ETV1: variants seen among roughly 807,000 people sequenced by gnomAD.
ETV1 encodes the protein ETS variant transcription factor 1.
Under a neutral mutation model 62.3 loss-of-function variants are expected in ETV1, and 27 were observed. The observed-to-expected ratio is 0.43, with a 90% confidence interval of 0.32 to 0.60. ETV1 has a LOEUF of 0.60. Ranked by LOEUF, ETV1 falls within the 20% of genes least tolerant of loss-of-function variation. ETV1 has a pLI of 0.06. For synonymous variants in ETV1, 222 were observed against 199.6 expected (o/e 1.11, Z -0.94); for missense variants, 605 against 605.8 (o/e 1.00, Z 0.01).
chr7:13,923,457 C>A (rs1211359180), intron 9 of ETV1, among the ~76,000 whole-genome samples: 3 of 152,164 alleles, frequency 2.0e-5, no homozygotes, highest in Non-Finnish European at 4.4e-5. Flanking sequence ...GATTAAAGTG[C>A]CAGCTTGGGC....
chr7:13,977,162 C>A (rs1296609597), intron 6 of ETV1, among the ~76,000 whole-genome samples: 1 of 152,132 alleles, frequency 6.6e-6, no homozygotes, highest in Non-Finnish European at 1.5e-5. Flanking sequence ...ATATGAAGAA[C>A]AAGACCATCT....
intron 13 of ETV1, among the ~76,000 whole-genome samples, chr7:13,898,313 A>G (rs1040706858): frequency 2.6e-5 from 4 of 152,228 alleles, no homozygotes; most frequent in African/African-American, 7.2e-5. Context: ...TGTGCTTTCA[A>G]TGGCTGGATA....
chr7:13,965,948 A>C (rs750162424), intron 6 of ETV1, among the ~76,000 whole-genome samples: 1 of 152,242 alleles, frequency 6.6e-6, no homozygotes, highest in Non-Finnish European at 1.5e-5. Context: ...TATTCAATGA[A>C]TACCTCAAAC....
rs754755430 is a variant in ETV1 at position 13,906,505 on chromosome 7, C to T, written c.1035G>A (p.Leu345=). 1.2e-6 allele frequency: 2 copies of T among 1,611,286 alleles called. No individual in the cohort carries two copies. The highest frequency in any genetic ancestry group is 8.5e-7 in the Non-Finnish European group (1 of 1,178,704). Residue 345 remains leucine (L), a synonymous_variant, in exon 12 of 14, where the codon CTG becomes CTA. Coordinates refer to ENST00000430479, the MANE Select transcript of ETV1 (RefSeq NM_004956.5). ...LQLWQFLVAL[L]DDPSNSHFIA... is the part of the protein sequence containing the mutation. Reference sequence around the variant, plus strand: ...TAAAATGAGAATTTGAAGGGTCATCCAGAAGAGCTACCAAAAACTGCCAGA... The same window carrying T: ...TAAAATGAGAATTTGAAGGGTCATCTAGAAGAGCTACCAAAAACTGCCAGA...
chr7:13,934,077 A>G (rs1339987504), intron 8 of ETV1, among the ~76,000 whole-genome samples: 1 of 152,202 alleles, frequency 6.6e-6, no homozygotes. Context: ...TGGTTTGTTC[A>G]TATTTTTTTG....
rs1426228965 is a variant in ETV1 at position 13,895,984 on chromosome 7, T to C, written c.1316A>G (p.Glu439Gly). 1 of 1,613,646 alleles carries C rather than the reference T, an allele frequency of 6.2e-7. No individual in the cohort carries two copies. The highest frequency in any genetic ancestry group is 1.3e-5 in the African/African-American group (1 of 74,906). Residue 439 changes from glutamate to glycine, a missense_variant, in exon 14 of 14, where the codon GAA becomes GGA. Glu to Gly is a moderately conservative substitution (Grantham distance 98, BLOSUM62 -2). Around this residue, in one of 3 missense-constraint regions of ETV1, gnomAD observed 79 missense variants for 71.6 expected, o/e 1.10. Transcript: ENST00000430479. ...TGTGTCCTCCTCGTTGATGTGACGT[T>C]CCATGTCTGTCTTCAGCAGTGGACG... ...NQRPLLKTDM[E>G]RHINEEDTVP...
At chr7:13,899,122 G>C (rs1056622784) in intron 13 of ETV1, among the ~76,000 whole-genome samples, 1 of 152,174 alleles carries the variant, frequency 6.6e-6, no homozygotes, top group Non-Finnish European at 1.5e-5. Context: ...TTACTGCTGT[G>C]CAATACTGCC....
At chr7:13,929,204 G>C (rs193172153) in intron 9 of ETV1, among the ~76,000 whole-genome samples, 3 of 152,130 alleles carry the variant, frequency 2.0e-5, no homozygotes, top group East Asian at 1.9e-4. Flanking sequence ...TGTATTGCAG[G>C]GTTCTTAATT....
chr7:13,960,581 T>TAA (rs1435693800), intron 6 of ETV1, among the ~76,000 whole-genome samples: 5 of 152,082 alleles, frequency 3.3e-5, no homozygotes, highest in Non-Finnish European at 7.4e-5. Flanking sequence ...CTCCAATCTA[T>TAA]AAATCTATAA....
At chr7:13,927,185 A>G (rs1471997650) in intron 9 of ETV1, among the ~76,000 whole-genome samples, 1 of 152,210 alleles carries the variant, frequency 6.6e-6, no homozygotes. Context: ...GCAGTGGCTC[A>G]TGCCTGTAAT....
chr7:13,950,537 G>A (rs1183927770), intron 6 of ETV1, among the ~76,000 whole-genome samples: 2 of 152,144 alleles, frequency 1.3e-5, no homozygotes, highest in African/African-American at 4.8e-5. Flanking sequence ...TAGACCTGAG[G>A]ACAGACTGGT....
Position 13,895,357 on chromosome 7 carries a change from A to T in ETV1, c.*509T>A, listed in dbSNP as rs1415437535. The T allele has an allele frequency of 8.5e-6, 2 of 234,438 alleles. No individual in the cohort carries two copies. Among genetic ancestry groups the T allele is most frequent in the Non-Finnish European group, 1.7e-5 (2 of 118,674 alleles). 14.5% of individuals were successfully genotyped at this position (234,438 alleles called of 1,614,324 possible). ...AGTGGTGCAAAAACAGTCATTTCTA[A>T]CAATTAAACTGCCATTTACAGTAGA... On this transcript the variant is annotated 3_prime_UTR_variant, in exon 14 of 14. Coordinates refer to ENST00000430479, the MANE Select transcript of ETV1 (RefSeq NM_004956.5).
intron 13 of ETV1, among the ~76,000 whole-genome samples, chr7:13,898,538 T>C (rs1782075522): frequency 6.6e-6 from 1 of 152,176 alleles, no homozygotes; most frequent in South Asian, 2.1e-4. Flanking sequence ...ACATACACTG[T>C]TCCATTGTTT....
At chr7:13,941,466 A>G (rs1787495457) in intron 6 of ETV1, among the ~76,000 whole-genome samples, 1 of 152,228 alleles carries the variant, frequency 6.6e-6, no homozygotes, top group African/African-American at 2.4e-5. Context: ...GTAAAAGCCA[A>G]TTGAAGGGCA....
intron 6 of ETV1, among the ~76,000 whole-genome samples, chr7:13,960,105 A>G (rs1181153680): frequency 1.3e-5 from 2 of 152,044 alleles, no homozygotes; most frequent in Non-Finnish European, 2.9e-5. Context: ...CTAGTGGAGG[A>G]CAATGGAAAG....
intron 13 of ETV1, among the ~76,000 whole-genome samples, chr7:13,899,219 T>C (rs1015376592): frequency 1.3e-5 from 2 of 152,096 alleles, no homozygotes; most frequent in African/African-American, 4.8e-5. Flanking sequence ...AGGAATGGAA[T>C]GTATTTGAAG....
intron 11 of ETV1, 84 bp from the exon 12 acceptor site, chr7:13,906,683 T>C (rs1782999992): frequency 1.9e-6 from 2 of 1,036,908 alleles, no homozygotes; most frequent in South Asian, 2.0e-5. Context: ...ATCACTAATA[T>C]GGTTAAACCA....
chr7:13,923,711 T>C (rs968145481), intron 9 of ETV1, among the ~76,000 whole-genome samples: 1 of 150,908 alleles, frequency 6.6e-6, no homozygotes, highest in African/African-American at 2.4e-5. Flanking sequence ...CTGGGAGGGG[T>C]TGTTGGGGTG....
At chr7:13,939,623 A>T (rs879553106) in intron 6 of ETV1, among the ~76,000 whole-genome samples, 8 of 152,228 alleles carry the variant, frequency 5.3e-5, no homozygotes, top group Non-Finnish European at 8.8e-5. Context: ...GAATCAACTA[A>T]AGACCAAAAT....
Sources: allele counts gnomAD v4.1 joint callset (sites outside exome capture counted in the v4.1 genomes callset), GRCh38; gene constraint gnomAD v4.1.1; regional missense constraint gnomAD v4.1.1; transcripts MANE v1.5; gene names NCBI Gene and HGNC (gene_info 2026-07-23, HGNC 2026-07-21).